Variants in CNTN5 observed in about 807,000 individuals in gnomAD.
CNTN5 encodes the protein contactin-5.
Under a neutral mutation model 129.1 loss-of-function variants are expected in CNTN5, and 77 were observed. The observed-to-expected ratio is 0.60, with a 90% confidence interval of 0.50 to 0.72. The LOEUF (loss-of-function observed/expected upper bound fraction) is 0.72. CNTN5 is among the 30% of genes least tolerant of loss of function. The pLI is 0.00. For missense variants in CNTN5, 1,478 were observed against 1,328.8 expected (o/e 1.11, Z -1.75); for synonymous variants, 509 against 465.6 (o/e 1.09, Z -1.20).
intron 18 of CNTN5, among the ~76,000 whole-genome samples, chr11:100,291,379 C>G (rs1400667810): frequency 6.7e-6 from 1 of 150,330 alleles, no homozygotes; most frequent in Non-Finnish European, 1.5e-5. Context: ...CAATGATAGA[C>G]TGGATTAAGA....
intron 1 of CNTN5, among the ~76,000 whole-genome samples, chr11:99,102,663 C>T (rs538771543): frequency 4.7e-4 from 71 of 152,240 alleles, no homozygotes; most frequent in African/African-American, 1.5e-3. Context: ...CTGTTTGAGA[C>T]GAACTCAGCC....
At chr11:100,064,614 T>A (rs937377300) in intron 10 of CNTN5, among the ~76,000 whole-genome samples, 1 of 152,134 alleles carries the variant, frequency 6.6e-6, no homozygotes, top group East Asian at 1.9e-4. Context: ...TTGGTATGCC[T>A]TTCTTGATAA....
At chr11:99,577,476 C>T (rs2851608) in intron 3 of CNTN5, among the ~76,000 whole-genome samples, 134,456 of 152,184 alleles carry the variant, frequency 0.88, 59,687 homozygotes, top group East Asian at 1. Context: ...ACTAGATTAA[C>T]GTACAGAGTT....
chr11:99,133,810 C>A (rs1266993104), intron 1 of CNTN5, among the ~76,000 whole-genome samples: 1 of 152,030 alleles, frequency 6.6e-6, no homozygotes, highest in Non-Finnish European at 1.5e-5. Context: ...CTGCTGGTGG[C>A]AATGTAAAAT....
At chr11:99,104,998 A>G (rs1488461335) in intron 1 of CNTN5, among the ~76,000 whole-genome samples, 1 of 152,164 alleles carries the variant, frequency 6.6e-6, no homozygotes, top group African/African-American at 2.4e-5. Context: ...GCACCGATGT[A>G]ATATAAGTGA....
chr11:99,647,176 G>C (rs533944504), intron 3 of CNTN5, among the ~76,000 whole-genome samples: 35 of 152,066 alleles, frequency 2.3e-4, no homozygotes, highest in Middle Eastern at 6.8e-3. Context: ...CTTACATTGA[G>C]GTCTTCAATC....
intron 1 of CNTN5, among the ~76,000 whole-genome samples, chr11:99,141,907 C>A (rs542489791): frequency 6.6e-6 from 1 of 152,086 alleles, no homozygotes; most frequent in Non-Finnish European, 1.5e-5. Context: ...AATTGCTTTA[C>A]GTGGCCAATT....
At chr11:100,278,938 A>G (rs1053693046) in intron 18 of CNTN5, among the ~76,000 whole-genome samples, 2 of 151,894 alleles carry the variant, frequency 1.3e-5, no homozygotes, top group Non-Finnish European at 2.9e-5. Flanking sequence ...ACTAGCTGTG[A>G]GTTCATCATA....
At chr11:99,976,021 A>G (rs1937932271) in intron 8 of CNTN5, among the ~76,000 whole-genome samples, 1 of 152,260 alleles carries the variant, frequency 6.6e-6, no homozygotes, top group Admixed American at 6.5e-5. Context: ...ATGTGGGTAT[A>G]GGCACTGGGT....
chr11:100,013,207 G>A (rs544826758), intron 9 of CNTN5, among the ~76,000 whole-genome samples: 1 of 152,170 alleles, frequency 6.6e-6, no homozygotes, highest in African/African-American at 2.4e-5. Flanking sequence ...TGGGAAACGG[G>A]TGACAGATGA....
intron 6 of CNTN5, among the ~76,000 whole-genome samples, chr11:99,875,395 C>A (rs1311002084): frequency 1.3e-5 from 2 of 152,092 alleles, no homozygotes; most frequent in Non-Finnish European, 2.9e-5. Flanking sequence ...ACTCTTCATA[C>A]TTAAAGTGGA....
At chr11:99,327,510 C>A (rs948579316) in intron 2 of CNTN5, among the ~76,000 whole-genome samples, 4 of 152,144 alleles carry the variant, frequency 2.6e-5, no homozygotes, top group African/African-American at 9.7e-5. Context: ...TCAGGTTTGG[C>A]AGAGCAAAGT....
At chr11:99,413,635 C>T (rs1000166573) in intron 2 of CNTN5, among the ~76,000 whole-genome samples, 6 of 151,598 alleles carry the variant, frequency 4.0e-5, no homozygotes, top group Non-Finnish European at 8.8e-5. Flanking sequence ...CAAAACAAAA[C>T]AAAACAAAAA....
chr11:99,868,388 G>T (rs1285641206), intron 6 of CNTN5, among the ~76,000 whole-genome samples: 2 of 152,074 alleles, frequency 1.3e-5, no homozygotes, highest in Non-Finnish European at 2.9e-5. Context: ...GTATACAATA[G>T]TTGTTTTAAT....
intron 2 of CNTN5, among the ~76,000 whole-genome samples, chr11:99,474,825 A>T (rs1015843126): frequency 6.6e-6 from 1 of 152,162 alleles, no homozygotes; most frequent in Admixed American, 6.6e-5. Context: ...ACCCCCTGCC[A>T]TGGCTAGCTA....
chr11:99,912,173 G>A (rs1949677795), intron 6 of CNTN5, among the ~76,000 whole-genome samples: 1 of 151,968 alleles, frequency 6.6e-6, no homozygotes, highest in African/African-American at 2.4e-5. Flanking sequence ...GAAGAGGAAG[G>A]AAGGGAGGGA....
chr11:99,968,651 G>T, intron 8 of CNTN5, among the ~76,000 whole-genome samples: 1 of 112,700 alleles, frequency 8.9e-6, no homozygotes, highest in Non-Finnish European at 1.8e-5. Context: ...GAATAGCTTT[G>T]GGTACTTTTT....
At chr11:100,049,762 TCCAA>T (rs1942862074) in intron 9 of CNTN5, among the ~76,000 whole-genome samples, 1 of 146,068 alleles carries the variant, frequency 6.8e-6, no homozygotes, top group South Asian at 2.2e-4. Context: ...TACAATGAAC[TCCAA>T]CAAATTTACA....
chr11:99,260,614 A>G (rs372353336), intron 1 of CNTN5, among the ~76,000 whole-genome samples: 2 of 151,954 alleles, frequency 1.3e-5, no homozygotes, highest in East Asian at 1.9e-4. Flanking sequence ...AAAACTACAC[A>G]CAACTAAAAA....
Sources: allele counts gnomAD v4.1 joint callset (sites outside exome capture counted in the v4.1 genomes callset), GRCh38; gene constraint gnomAD v4.1.1; transcripts MANE v1.5; gene names NCBI Gene and HGNC (gene_info 2026-07-23, HGNC 2026-07-21).